Variants in IK observed in about 807,000 individuals in gnomAD.
The protein encoded by IK is IK cytokine.
In IK, 47 loss-of-function variants were observed where a neutral mutation model predicts 90.9. The observed-to-expected ratio is 0.52, with a 90% confidence interval of 0.41 to 0.66. The LOEUF is 0.66. IK is among the 30% of genes least tolerant of loss of function. The pLI is 0.00. For missense variants in IK, 385 were observed against 709.3 expected, an observed-to-expected ratio of 0.54 and a Z score of 5.19; for synonymous variants, 201 against 227.5, an observed-to-expected ratio of 0.88 and a Z score of 1.05.
Position 140,660,150 on chromosome 5 carries a change from A to G in IK, c.1310A>G (p.Asp437Gly). 6.2e-7 allele frequency: 1 copy of G among 1,613,786 alleles called. No individual in the cohort carries two copies. Among genetic ancestry groups the G allele is most frequent in the Non-Finnish European group, 8.5e-7 (1 of 1,179,844 alleles). The change falls in exon 15 of 20, where the codon GAT (aspartate) becomes GGT (glycine). Residue 437 changes from aspartate (D) to glycine (G), a missense_variant. Coordinates refer to ENST00000417647, the MANE Select transcript of IK (RefSeq NM_006083.4). ...CCAGAAGACAAAAAGCAGCTGGGAGATTTCTTTGGCATGTCCAACAGTTAT... is the reference window on the plus strand; with the variant it reads ...CCAGAAGACAAAAAGCAGCTGGGAGGTTTCTTTGGCATGTCCAACAGTTAT... ...KKPEDKKQLGDFFGMSNSYAE... is the reference protein window; with the variant it reads ...KKPEDKKQLGGFFGMSNSYAE...
At chr5:140,648,889 A>T (rs1414957138) in intron 2 of IK, 8 of 281,128 alleles carry the variant, frequency 2.8e-5, no homozygotes, top group Admixed American at 5.1e-5. Flanking sequence ...TCAGGCTGGA[A>T]TGCAGTGGTG....
chr5:140,654,856 C>T, intron 8 of IK, 129 bp downstream of exon 8: 1 of 700,344 alleles, frequency 1.4e-6, no homozygotes, highest in South Asian at 1.9e-5. Context: ...GAGACAGTGT[C>T]TCACTTAATC....
intron 8 of IK, among the ~76,000 whole-genome samples, chr5:140,655,022 C>T (rs1338914892): frequency 1.3e-5 from 2 of 151,854 alleles, no homozygotes; most frequent in Admixed American, 6.6e-5. Flanking sequence ...TGTGTATTGC[C>T]CAGGCCGGTC....
At chr5:140,658,520 A>G (rs527682356) in intron 10 of IK, among the ~76,000 whole-genome samples, 6 of 151,432 alleles carry the variant, frequency 4.0e-5, no homozygotes, top group Non-Finnish European at 8.8e-5. Context: ...GGGTTTCACC[A>G]TGTTAGCCAG....
At chr5:140,655,746 A>G in intron 8 of IK, 83 bp from the exon 9 acceptor site, 1 of 1,400,650 alleles carries the variant, frequency 7.1e-7, no homozygotes. Context: ...AGCACTTGGC[A>G]TGGTGGCTAG....
intron 2 of IK, 26 bp downstream of exon 2, chr5:140,648,563 G>A (rs1410577000): frequency 2.3e-5 from 37 of 1,601,326 alleles, no homozygotes; most frequent in Non-Finnish European, 3.1e-5. Flanking sequence ...TAGGACCATG[G>A]AAATGAGTTG....
intron 9 of IK, among the ~76,000 whole-genome samples, chr5:140,656,712 ACAT>A (rs1388426318): frequency 1.3e-5 from 2 of 152,230 alleles, no homozygotes; most frequent in African/African-American, 4.8e-5. Context: ...CATAATAATC[ACAT>A]CATGGAAAAT....
At chr5:140,655,655 A>C (rs892229001) in intron 8 of IK, among the ~76,000 whole-genome samples, 174 bp from the exon 9 acceptor site, 1 of 152,250 alleles carries the variant, frequency 6.6e-6, no homozygotes, top group Non-Finnish European at 1.5e-5. Context: ...AATCTCAGCC[A>C]TAGTATTCTT....
rs2149809172 is a variant in IK, at chr5:140,662,231, TC to T, written c.1646+20del. 1.1e-5 allele frequency: 18 copies of T among 1,614,002 alleles called. No homozygotes were observed. The highest frequency in any genetic ancestry group is 1.5e-5 in the Non-Finnish European group (18 of 1,179,890). ...GCTGATGGGTGAGCGGCATTATTCT[TC>T]CTCTGTGGGACTGGTGGGAATTGCT... On this transcript the variant is annotated intron_variant, in intron 19 of 19. Transcript: ENST00000417647.
chr5:140,648,083 C>T, intron 1 of IK, 159 bp downstream of exon 1: 1 of 883,766 alleles, frequency 1.1e-6, no homozygotes, highest in Non-Finnish European at 1.9e-6. Context: ...GGAGAAGCCA[C>T]AGGGTCCTAA....
chr5:140,659,648 G>A (rs1757768132), intron 13 of IK, 108 bp from the exon 14 acceptor site: 1 of 749,558 alleles, frequency 1.3e-6, no homozygotes, highest in African/African-American at 1.8e-5. Context: ...TTAAAACTTT[G>A]TTAGACAAAA....
At chr5:140,652,270 A>AG in intron 4 of IK, 123 bp downstream of exon 4, 1 of 722,204 alleles carries the variant, frequency 1.4e-6, no homozygotes, top group Non-Finnish European at 2.4e-6. Flanking sequence ...TCTTAATGAA[A>AG]CAGAGTGATA....
chr5:140,652,055 T>A (rs1469112418), intron 3 of IK, 33 bp from the exon 4 acceptor site: 1 of 1,569,410 alleles, frequency 6.4e-7, no homozygotes, highest in Non-Finnish European at 8.8e-7. Flanking sequence ...TGTGGCAATA[T>A]TTTGCTATCA....
At position 140,653,151 on chromosome 5, in the gene IK, A is replaced by G; in HGVS notation, c.404+7A>G. ...TTGGCCCCACTGCTGAGGCGTGAGTACTGAGGGAACAGGGCATGGTTCCCT... is the reference window on the plus strand; with the variant it reads ...TTGGCCCCACTGCTGAGGCGTGAGTGCTGAGGGAACAGGGCATGGTTCCCT... On this transcript the variant is annotated splice_region_variant and intron_variant, in intron 5 of 19. Coordinates refer to ENST00000417647, the MANE Select transcript of IK (RefSeq NM_006083.4). The G allele has an allele frequency of 6.2e-7, 1 of 1,612,112 alleles. No individual in the cohort carries two copies. Among genetic ancestry groups the G allele is most frequent in the Non-Finnish European group, 8.5e-7 (1 of 1,178,528 alleles).
intron 9 of IK, among the ~76,000 whole-genome samples, chr5:140,656,611 T>A (rs1757714936): frequency 6.6e-6 from 1 of 152,236 alleles, no homozygotes; most frequent in Admixed American, 6.5e-5. Flanking sequence ...ATTCATCCTT[T>A]AAAGAGAATT....
chr5:140,653,849 C>T (rs1239086458), intron 5 of IK, 89 bp from the exon 6 acceptor site: 21 of 747,642 alleles, frequency 2.8e-5, no homozygotes, highest in South Asian at 1.0e-4. Flanking sequence ...GTGATCTGTC[C>T]GCCTTGACCT....
At chr5:140,652,188 G>A in intron 4 of IK, 41 bp downstream of exon 4, 1 of 1,468,948 alleles carries the variant, frequency 6.8e-7, no homozygotes, top group East Asian at 2.3e-5. Flanking sequence ...AAGGTGGATA[G>A]TGTTTAGGGG....
rs1561981432 is a variant in IK at position 140,661,601 on chromosome 5, C to CG, written c.1414-18dup. ...TGACATCTCTTCCTTCCCCATCCCCCGATTCTGTCCTGCAACAGGGTAACA... is the reference window on the plus strand; with the variant it reads ...TGACATCTCTTCCTTCCCCATCCCCCGGATTCTGTCCTGCAACAGGGTAACA... On this transcript the variant is annotated intron_variant, in intron 16 of 19. Transcript: ENST00000417647. This position sits in a 1 kb window ranked among gnomAD's most constrained non-coding sequence, Gnocchi z 4.2. 6.4e-7 allele frequency: 1 copy of CG among 1,571,556 alleles called. No individual in the cohort carries two copies. Among genetic ancestry groups the CG allele is most frequent in the Non-Finnish European group, 8.7e-7 (1 of 1,150,888 alleles).
At chr5:140,658,805 C>G (rs746208201) in intron 11 of IK, 29 bp downstream of exon 11, 125 of 1,603,856 alleles carry the variant, frequency 7.8e-5, no homozygotes, top group Middle Eastern at 6.6e-4. Context: ...GGCATCTGAT[C>G]AGAGGGAGGG....
Sources: gnomAD v4.1 joint callset for allele counts (sites outside exome capture counted in the v4.1 genomes callset) on GRCh38, gnomAD v4.1.1 for gene constraint, Gnocchi (gnomAD v3.1) non-coding constraint, MANE v1.5 for transcripts, NCBI Gene and HGNC (gene_info 2026-07-23, HGNC 2026-07-21) for gene names.